The following MTUS1 variants were observed in gnomAD, a reference collection of about 807,000 sequenced individuals.
MTUS1 encodes microtubule-associated tumor suppressor 1.
A neutral mutation model predicts 120.8 loss-of-function variants in MTUS1; 109 were observed. That is an observed-to-expected ratio of 0.90 (90% confidence interval 0.77 to 1.06). The LOEUF is 1.06. MTUS1 is among the 50% of genes least tolerant of loss of function. MTUS1 has a pLI of 0.00. For missense variants in MTUS1, 2,210 were observed against 1,486.3 expected (o/e 1.49, Z -8.01); for synonymous variants, 737 against 550.5 (o/e 1.34, Z -4.74).
At chr8:17,678,497 C>A (rs747274009) in intron 7 of MTUS1, among the ~76,000 whole-genome samples, 18 of 152,248 alleles carry the variant, frequency 1.2e-4, no homozygotes, top group Non-Finnish European at 2.2e-4. Flanking sequence ...GGCACTTAGT[C>A]TCTGGCTGTG....
At chr8:17,782,747 C>T (rs11781256) in intron 1 of MTUS1, among the ~76,000 whole-genome samples, 1 of 152,192 alleles carries the variant, frequency 6.6e-6, no homozygotes, top group South Asian at 2.1e-4. Context: ...AAAAATGTTT[C>T]ATTCCCAGGT....
chr8:17,765,268 C>T (rs1049647450), intron 1 of MTUS1, among the ~76,000 whole-genome samples: 43 of 152,164 alleles, frequency 2.8e-4, no homozygotes, highest in African/African-American at 1.0e-3. Flanking sequence ...CTACCTCCTG[C>T]TGTGCAGCCC....
At chr8:17,758,366 C>A (rs1256914153) in intron 1 of MTUS1, among the ~76,000 whole-genome samples, 1 of 152,078 alleles carries the variant, frequency 6.6e-6, no homozygotes, top group Non-Finnish European at 1.5e-5. Flanking sequence ...ACATACACAT[C>A]CAAAAAGCGA....
intron 7 of MTUS1, 31 bp downstream of exon 7, chr8:17,684,297 G>C (rs745645200): frequency 1.7e-5 from 26 of 1,575,760 alleles, no homozygotes; most frequent in Non-Finnish European, 1.7e-6. Context: ...ACCTCAAGTA[G>C]AAAGGCTCTT....
At chr8:17,756,392 T>C (rs1248398549) in intron 1 of MTUS1, among the ~76,000 whole-genome samples, 1 of 152,158 alleles carries the variant, frequency 6.6e-6, no homozygotes, top group Non-Finnish European at 1.5e-5. Flanking sequence ...GTCCCTTTCA[T>C]TCTCAGAAGG....
At position 17,739,719 on chromosome 8, in the gene MTUS1, A is replaced by C. The variant is rs527816760; in HGVS notation, c.2287+3885T>G. 7.2e-5 allele frequency among the ~76,000 whole-genome samples: 11 copies of C among 152,314 alleles called. No homozygotes were observed. The South Asian group carries it at 2.3e-3, about 32-fold the overall frequency. ...AGCCTCAAAGTTACTGTGAGGATTA[A>C]ATGAATTTATAGATGAAATTACTAA... On this transcript the variant is annotated intron_variant, in intron 3 of 14. Coordinates refer to ENST00000693296, the MANE Select transcript of MTUS1 (RefSeq NM_001363059.2).
chr8:17,652,662 C>T (rs1014458583), intron 12 of MTUS1, among the ~76,000 whole-genome samples: 2 of 151,968 alleles, frequency 1.3e-5, no homozygotes, highest in African/African-American at 4.8e-5. Context: ...ATGGTAAAAT[C>T]CCATCTCTAC....
At chr8:17,705,304 G>A (rs1020373914) in intron 6 of MTUS1, among the ~76,000 whole-genome samples, 5 of 152,120 alleles carry the variant, frequency 3.3e-5, no homozygotes, top group Non-Finnish European at 5.9e-5. Flanking sequence ...GTTTTTTAAA[G>A]CTTTTGTTGT....
At chr8:17,700,384 C>T (rs10108535) in intron 6 of MTUS1, among the ~76,000 whole-genome samples, 24,810 of 140,814 alleles carry the variant, frequency 0.18, 2,255 homozygotes, top group East Asian at 0.34. Flanking sequence ...GCAGGAGAAC[C>T]GCTTGAATCT....
chr8:17,710,359 T>C (rs918017789), intron 6 of MTUS1, among the ~76,000 whole-genome samples: 3 of 152,194 alleles, frequency 2.0e-5, no homozygotes, highest in Non-Finnish European at 2.9e-5. Flanking sequence ...TCGGACTCCT[T>C]TGTCATTTCA....
chr8:17,765,370 T>C lies in MTUS1; in HGVS notation c.-154-9409A>G, dbSNP rs543497564. On this transcript the variant is annotated intron_variant, in intron 1 of 14. Coordinates refer to ENST00000693296, the MANE Select transcript of MTUS1 (RefSeq NM_001363059.2). ...TTGGCTGGGCATGGTGGCTCATGCC[T>C]GTAATCCCAGCACTTTGGGAGGCCG... Among the ~76,000 whole-genome samples the C allele has an allele frequency of 8.5e-5, 13 of 152,264 alleles. No individual in the cohort carries two copies. In the South Asian group the frequency reaches 2.5e-3, roughly 29 times the overall value.
chr8:17,697,645 G>A, intron 6 of MTUS1: 1 of 1,197,144 alleles, frequency 8.4e-7, no homozygotes, highest in Non-Finnish European at 1.0e-6. Context: ...AGGTCTAGAA[G>A]CTGCCTCTGA....
intron 7 of MTUS1, among the ~76,000 whole-genome samples, chr8:17,677,642 A>C (rs978395099): frequency 2.0e-5 from 3 of 152,130 alleles, no homozygotes; most frequent in African/African-American, 7.2e-5. Context: ...CATTTCCCCA[A>C]ACTTCAACTC....
At chr8:17,771,587 G>A (rs1237663107) in intron 1 of MTUS1, among the ~76,000 whole-genome samples, 1 of 152,172 alleles carries the variant, frequency 6.6e-6, no homozygotes, top group Non-Finnish European at 1.5e-5. Flanking sequence ...CTAAATAAAT[G>A]TCTTTCAAAT....
At chr8:17,759,080 A>G (rs2048842765) in intron 1 of MTUS1, among the ~76,000 whole-genome samples, 2 of 151,794 alleles carry the variant, frequency 1.3e-5, no homozygotes, top group South Asian at 4.2e-4. Flanking sequence ...ATGGTGTTCC[A>G]CTGTGTTAGC....
chr8:17,678,575 A>G (rs1377694066), intron 7 of MTUS1, among the ~76,000 whole-genome samples: 1 of 152,154 alleles, frequency 6.6e-6, no homozygotes, highest in Non-Finnish European at 1.5e-5. Flanking sequence ...CATCTTGCAG[A>G]GAATAGCCAC....
chr8:17,700,620 C>T (rs1349418428), intron 6 of MTUS1, among the ~76,000 whole-genome samples: 1 of 151,926 alleles, frequency 6.6e-6, no homozygotes, highest in Non-Finnish European at 1.5e-5. Context: ...CAGAATGTCA[C>T]CAATGCTCTG....
chr8:17,681,326 T>C (rs1344429093), intron 7 of MTUS1, among the ~76,000 whole-genome samples: 3 of 152,164 alleles, frequency 2.0e-5, no homozygotes, highest in Non-Finnish European at 4.4e-5. Flanking sequence ...GACCTGAACA[T>C]GTAGGTATTG....
At position 17,794,470 on chromosome 8, in the gene MTUS1, G is replaced by T. The variant is rs529269449; in HGVS notation, c.-155+6591C>A. Among the ~76,000 whole-genome samples, 9 of 152,224 alleles carry T rather than the reference G, an allele frequency of 5.9e-5. No individual in the cohort carries two copies. In the South Asian group the frequency reaches 1.9e-3, roughly 32 times the overall value. The stretch of plus-strand genomic sequence containing the variant: ...TAAATGACTTGGTTCTGTATGTGGG[G>T]CCTAGATTGGGGATCTAATACAACA... On this transcript the variant is annotated intron_variant, in intron 1 of 14. Transcript: ENST00000693296.
Sources: allele counts gnomAD v4.1 joint callset (sites outside exome capture counted in the v4.1 genomes callset), GRCh38; gene constraint gnomAD v4.1.1; transcripts MANE v1.5; gene names NCBI Gene and HGNC (gene_info 2026-07-23, HGNC 2026-07-21).